LATS2: variants seen among roughly 807,000 people sequenced by gnomAD.
LATS2 encodes the protein large tumor suppressor kinase 2.
LATS2 carries 24 observed loss-of-function variants against 76.0 expected under a neutral mutation model. That is an observed-to-expected ratio of 0.32 (90% confidence interval 0.23 to 0.44). LATS2 has a LOEUF of 0.44. Ranked by LOEUF, LATS2 falls within the 20% of genes least tolerant of loss-of-function variation. The pLI is 1.00. For synonymous variants in LATS2, 692 were observed against 635.4 expected (o/e 1.09, Z -1.34); for missense variants, 1,286 against 1,481.2 (o/e 0.87, Z 2.16).
chr13:20,987,759 C>G (rs1445406372), intron 4 of LATS2, 122 bp downstream of exon 4: 7 of 1,151,238 alleles, frequency 6.1e-6, no homozygotes, highest in African/African-American at 1.5e-5. Flanking sequence ...CAGACTGTCG[C>G]CCATTAGCCG....
At chr13:21,046,882 G>C (rs1873093585) in intron 1 of LATS2, among the ~76,000 whole-genome samples, 1 of 152,138 alleles carries the variant, frequency 6.6e-6, no homozygotes, top group Admixed American at 6.6e-5. Context: ...CCACTTACCA[G>C]CATTTTGACC....
At chr13:21,031,300 C>T (rs1872521584) in intron 2 of LATS2, among the ~76,000 whole-genome samples, 1 of 152,126 alleles carries the variant, frequency 6.6e-6, no homozygotes, top group African/African-American at 2.4e-5. Flanking sequence ...TAGGTATTTC[C>T]TTTCTATTCT....
In LATS2 at chr13:20,988,031, G is replaced by C; in HGVS notation, c.1749C>G (p.Asn583Lys). 1 of 1,614,256 alleles carries C rather than the reference G, an allele frequency of 6.2e-7. No individual in the cohort carries two copies. Among genetic ancestry groups the C allele is most frequent in the Non-Finnish European group, 8.5e-7 (1 of 1,180,046 alleles). ...IQTSPVPVRK[N>K]SRDEEKRESR... ...ACTCTCTCTTCTCTTCGTCTCTGCT[G>C]TTTTTGCGGACGGGAACGGGAGAGG... Residue 583 changes from asparagine (N) to lysine (K), a missense_variant, in exon 4 of 8, where the codon AAC becomes AAG. By Grantham distance (94) the Asn-to-Lys change is moderately conservative. Around this residue, in one of 5 missense-constraint regions of LATS2, gnomAD observed 710 missense variants for 660.9 expected, o/e 1.07. Coordinates refer to ENST00000382592, the MANE Select transcript of LATS2 (RefSeq NM_014572.3).
chr13:21,001,264 T>TTAA (rs1871026115), intron 2 of LATS2, among the ~76,000 whole-genome samples: 1 of 152,204 alleles, frequency 6.6e-6, no homozygotes, highest in Non-Finnish European at 1.5e-5. Context: ...CAAAGTTCCC[T>TTAA]ATTAGTACAC....
chr13:21,006,677 G>T (rs538539855), intron 2 of LATS2, among the ~76,000 whole-genome samples: 1 of 152,174 alleles, frequency 6.6e-6, no homozygotes, highest in African/African-American at 2.4e-5. Context: ...AAATTCTGCC[G>T]CTGTCTCCAT....
At chr13:21,006,185 GC>G (rs1191161817) in intron 2 of LATS2, among the ~76,000 whole-genome samples, 1 of 150,894 alleles carries the variant, frequency 6.6e-6, no homozygotes, top group Non-Finnish European at 1.5e-5. Context: ...TTCACTTTCT[GC>G]CTCAGCTTAT....
chr13:20,983,970 G>A (rs548232750), intron 4 of LATS2, among the ~76,000 whole-genome samples, 164 bp from the exon 5 acceptor site: 16 of 152,244 alleles, frequency 1.1e-4, no homozygotes, highest in African/African-American at 3.1e-4. Flanking sequence ...TCGCTCTGTC[G>A]CCTAGGCTGG....
rs528037090 is a variant in LATS2, at chr13:20,991,919, G to A, written c.343-515C>T. 3.6e-4 allele frequency among the ~76,000 whole-genome samples: 55 copies of A among 152,278 alleles called. No individual in the cohort carries two copies. Among genetic ancestry groups the A allele is most frequent in the African/African-American group, 1.3e-3 (52 of 41,558 alleles). ...AATGCCCCATGCTGGCTATAGCAGC[G>A]GAGGACTGGCCCTTAGAGATCTGAC... On this transcript the variant is annotated intron_variant, in intron 2 of 7. Transcript: ENST00000382592. This position sits in a 1 kb window ranked among gnomAD's most constrained non-coding sequence, Gnocchi z 4.9.
chr13:20,981,528 C>A lies in LATS2; in HGVS notation c.2603G>T (p.Cys868Phe). Residue 868 changes from cysteine to phenylalanine, a missense_variant, in exon 6 of 8, where the codon TGC (cysteine) becomes TTC (phenylalanine). Transcript: ENST00000382592. Reference protein sequence around the residue: ...EQRARKQHQRCLAHSLVGTPN... With the variant: ...EQRARKQHQRFLAHSLVGTPN... ...AGTCCCCACCAGTGAATGTGCCAGG[C>A]ACCTCTGGTGCTGCTTCCGCGCCCT... 6 of 1,614,182 alleles carry A rather than the reference C, an allele frequency of 3.7e-6. No individual in the cohort carries two copies. The highest frequency in any genetic ancestry group is 5.1e-6 in the Non-Finnish European group (6 of 1,180,032).
intron 2 of LATS2, among the ~76,000 whole-genome samples, chr13:20,996,088 G>A (rs1280309824): frequency 6.6e-6 from 1 of 152,180 alleles, no homozygotes; most frequent in African/African-American, 2.4e-5. Flanking sequence ...CATAAATTAA[G>A]CCTTCTCTTC....
chr13:21,021,279 C>T (rs1396127970), intron 2 of LATS2, among the ~76,000 whole-genome samples: 1 of 151,906 alleles, frequency 6.6e-6, no homozygotes, highest in Non-Finnish European at 1.5e-5. Context: ...TCAAGACCAG[C>T]CTGGCTAACA....
intron 2 of LATS2, among the ~76,000 whole-genome samples, chr13:21,022,507 G>A (rs1181888511): frequency 6.6e-6 from 1 of 152,188 alleles, no homozygotes; most frequent in Non-Finnish European, 1.5e-5. Context: ...GATTGGTCCA[G>A]GTGGACCTTG....
intron 2 of LATS2, among the ~76,000 whole-genome samples, chr13:20,994,607 A>T (rs2138303547): frequency 6.6e-6 from 1 of 152,292 alleles, no homozygotes; most frequent in Non-Finnish European, 1.5e-5. Flanking sequence ...GCATGTATGG[A>T]GACCAAGCTG....
chr13:21,004,095 A>G (rs1871160578), intron 2 of LATS2, among the ~76,000 whole-genome samples: 1 of 152,238 alleles, frequency 6.6e-6, no homozygotes, highest in Non-Finnish European at 1.5e-5. Context: ...TTTAAAATGA[A>G]TATAACATAC....
intron 2 of LATS2, among the ~76,000 whole-genome samples, chr13:21,030,477 T>C (rs1872478629): frequency 6.6e-6 from 1 of 151,266 alleles, no homozygotes; most frequent in South Asian, 2.1e-4. Flanking sequence ...TAGTCCCAGC[T>C]ACTCGGCAGG....
At position 20,989,118 on chromosome 13, in the gene LATS2, G is replaced by A. The variant is rs1465959536; in HGVS notation, c.662C>T (p.Pro221Leu). The A allele has an allele frequency of 6.2e-7, 1 of 1,606,684 alleles. No homozygotes were observed. Among genetic ancestry groups the A allele is most frequent in the Non-Finnish European group, 8.5e-7 (1 of 1,177,430 alleles). Residue 221 changes from proline (P) to leucine (L), a missense_variant, in exon 4 of 8, where the codon CCC becomes CTC. By Grantham distance (98) the Pro-to-Leu change is moderately conservative. Coordinates refer to ENST00000382592, the MANE Select transcript of LATS2 (RefSeq NM_014572.3). ...CTGGTGCTGGTGGCCGGGCCCGTGG[G>A]GGCCGACTCCGGGGAAAAGGTAGTC... The part of the protein sequence containing the change: ...YVDYLFPGVG[P>L]HGPGHQHQHP...
intron 2 of LATS2, among the ~76,000 whole-genome samples, chr13:20,993,031 T>A (rs1210946694): frequency 1.4e-5 from 1 of 69,100 alleles, no homozygotes; most frequent in African/African-American, 5.8e-5. Context: ...TGTGACTCCA[T>A]CTCCAAAAAA....
intron 2 of LATS2, among the ~76,000 whole-genome samples, chr13:20,998,661 C>T (rs983767790): frequency 6.6e-6 from 1 of 152,256 alleles, no homozygotes; most frequent in Non-Finnish European, 1.5e-5. Context: ...CCTCTAACCG[C>T]CCCACCATTG....
intron 2 of LATS2, among the ~76,000 whole-genome samples, chr13:21,034,490 C>T (rs371989086): frequency 5.8e-4 from 88 of 152,280 alleles, no homozygotes; most frequent in African/African-American, 2.1e-3. Flanking sequence ...CTGGCTCAGA[C>T]CTGGAACACC....
Sources: gnomAD v4.1 joint callset for allele counts (sites outside exome capture counted in the v4.1 genomes callset) on GRCh38, gnomAD v4.1.1 for gene constraint, gnomAD v4.1.1 regional missense constraint, Gnocchi (gnomAD v3.1) non-coding constraint, MANE v1.5 for transcripts, NCBI Gene and HGNC (gene_info 2026-07-23, HGNC 2026-07-21) for gene names.